The following FBXO22 variants were observed in gnomAD, a reference collection of about 807,000 sequenced individuals.
The protein encoded by FBXO22 is F-box only protein 22.
In FBXO22, 13 loss-of-function variants were observed where a neutral mutation model predicts 37.2. That is an observed-to-expected ratio of 0.35 (90% confidence interval 0.23 to 0.56). The LOEUF (loss-of-function observed/expected upper bound fraction) is 0.56. FBXO22 is among the 20% of genes least tolerant of loss of function. FBXO22 has a pLI of 0.87. For synonymous variants in FBXO22, 189 were observed against 189.1 expected (o/e 1.00, Z 0.00); for missense variants, 446 against 509.9 (o/e 0.87, Z 1.21).
chr15:75,912,133 T>C (rs1312643899), intron 2 of FBXO22, among the ~76,000 whole-genome samples: 1 of 151,952 alleles, frequency 6.6e-6, no homozygotes, highest in Non-Finnish European at 1.5e-5. Context: ...GACTTGATTG[T>C]GGTAGATAAG....
intron 2 of FBXO22, among the ~76,000 whole-genome samples, chr15:75,908,385 G>C (rs1347825598): frequency 2.0e-5 from 3 of 151,568 alleles, no homozygotes; most frequent in African/African-American, 7.3e-5. Context: ...TGATTGTCCT[G>C]CCTCAGCCTC....
intron 5 of FBXO22, among the ~76,000 whole-genome samples, chr15:75,922,591 G>A (rs184359567): frequency 9.8e-5 from 15 of 152,318 alleles, no homozygotes; most frequent in Non-Finnish European, 2.1e-4. Flanking sequence ...GTTATGTGCA[G>A]GGAAGTCATG....
intron 5 of FBXO22, among the ~76,000 whole-genome samples, chr15:75,918,357 G>T (rs533788016): frequency 1.3e-5 from 2 of 152,216 alleles, no homozygotes; most frequent in African/African-American, 4.8e-5. Flanking sequence ...TTGGTGGATG[G>T]GAGGGGAAGC....
rs2030086534 is a variant in FBXO22 at position 75,932,673 on chromosome 15, T to C, written c.795-12T>C. On this transcript the variant is annotated splice_polypyrimidine_tract_variant and intron_variant, in intron 6 of 6. Coordinates refer to ENST00000308275, the MANE Select transcript of FBXO22 (RefSeq NM_147188.3). ...GTTTCATGAGATATTGCCACTTTTC[T>C]AAATTTTCCAGGAACCCTCTGGATA... The C allele has an allele frequency of 1.3e-6, 2 of 1,558,576 alleles. No homozygotes were observed. The highest frequency in any genetic ancestry group is 8.6e-7 in the Non-Finnish European group (1 of 1,156,378).
chr15:75,904,414 C>T, intron 1 of FBXO22, 77 bp from the exon 2 acceptor site: 8 of 1,590,952 alleles, frequency 5.0e-6, no homozygotes, highest in Non-Finnish European at 6.9e-6. Flanking sequence ...GCTGCGCCAG[C>T]GGGTGGGGGT....
intron 5 of FBXO22, among the ~76,000 whole-genome samples, chr15:75,919,002 G>C (rs1960655701): frequency 6.6e-6 from 1 of 152,134 alleles, no homozygotes; most frequent in African/African-American, 2.4e-5. Context: ...TTGTTGCCCA[G>C]GCTGGAGTGC....
chr15:75,907,826 G>A (rs1258789378), intron 2 of FBXO22, among the ~76,000 whole-genome samples: 1 of 151,950 alleles, frequency 6.6e-6, no homozygotes, highest in Non-Finnish European at 1.5e-5. Context: ...ACCTATAATC[G>A]CAGCTACTTG....
Position 75,936,328 on chromosome 15 carries a change from G to A in FBXO22, c.*3226G>A, listed in dbSNP as rs1341594793. On this transcript the variant is annotated 3_prime_UTR_variant, in exon 7 of 7. Transcript: ENST00000308275. ...TGAAAATCCTAAAATAATAAAATAAGCATTAGTAATAATATCCTTGTTAAA... is the reference window on the plus strand; with the variant it reads ...TGAAAATCCTAAAATAATAAAATAAACATTAGTAATAATATCCTTGTTAAA... 6.6e-6 allele frequency: 1 copy of A among 152,140 alleles called. No individual in the cohort carries two copies. Among genetic ancestry groups the A allele is most frequent in the African/African-American group, 2.4e-5 (1 of 41,432 alleles). 9.4% of individuals were successfully genotyped at this position (152,140 alleles called of 1,614,324 possible).
intron 2 of FBXO22, among the ~76,000 whole-genome samples, chr15:75,908,110 A>G (rs552600664): frequency 9.2e-5 from 14 of 152,168 alleles, no homozygotes; most frequent in Non-Finnish European, 2.1e-4. Flanking sequence ...TTAGGAAGGA[A>G]AATTCAGCAG....
intron 4 of FBXO22, among the ~76,000 whole-genome samples, chr15:75,916,266 T>C (rs2141711792): frequency 6.6e-6 from 1 of 152,230 alleles, no homozygotes; most frequent in South Asian, 2.1e-4. Flanking sequence ...ACCTACTGTG[T>C]TAGTCTACTA....
intron 2 of FBXO22, among the ~76,000 whole-genome samples, chr15:75,910,749 T>C (rs998723174): frequency 6.6e-6 from 1 of 152,176 alleles, no homozygotes. Context: ...TTTTGCTGTG[T>C]AGAAGCTCTT....
rs971908148 is a variant in FBXO22, at chr15:75,939,781, G to C, written c.*6679G>C. On this transcript the variant is annotated 3_prime_UTR_variant, in exon 7 of 7. Coordinates refer to ENST00000308275, the MANE Select transcript of FBXO22 (RefSeq NM_147188.3). ...CATTAACAGAACGAAGCGAGAACCA[G>C]ATGATCATCTCAATTGATGCAGACA... 12 of 152,070 alleles carry C rather than the reference G, an allele frequency of 7.9e-5. No homozygotes were observed. The highest frequency in any genetic ancestry group is 2.7e-4 in the African/African-American group (11 of 41,426). 9.4% of individuals were successfully genotyped at this position (152,070 alleles called of 1,614,324 possible). A position where few individuals can be genotyped will look rare whatever the true frequency, so the allele number is the denominator to read the frequency against.
chr15:75,927,719 A>T (rs1393407124), intron 5 of FBXO22, among the ~76,000 whole-genome samples: 1 of 152,136 alleles, frequency 6.6e-6, no homozygotes, highest in Non-Finnish European at 1.5e-5. Context: ...CCAAGTCAGT[A>T]ATTTACTGTG....
chr15:75,912,862 G>T (rs1397641424), intron 2 of FBXO22, among the ~76,000 whole-genome samples: 1 of 152,130 alleles, frequency 6.6e-6, no homozygotes, highest in Non-Finnish European at 1.5e-5. Context: ...ATGTTAGGGT[G>T]TCAATTTTAG....
At chr15:75,908,316 A>C (rs981941659) in intron 2 of FBXO22, among the ~76,000 whole-genome samples, 1 of 149,456 alleles carries the variant, frequency 6.7e-6, no homozygotes, top group Non-Finnish European at 1.5e-5. Flanking sequence ...CCTGTCGCCC[A>C]GGCTGGATTG....
chr15:75,941,953 A>AG lies in FBXO22; in HGVS notation c.*8851_*8852insG, dbSNP rs1360268728. On this transcript the variant is annotated 3_prime_UTR_variant, in exon 7 of 7. Transcript: ENST00000308275. ...TTTTTAAACCACCAAAAAAAAAAAA[A>AG]AAAAAAAATATGGCCTAGCTTTTTT... The AG allele has an allele frequency of 8.2e-6, 1 of 122,092 alleles. No individual in the cohort carries two copies. Among genetic ancestry groups the AG allele is most frequent in the East Asian group, 2.3e-4 (1 of 4,376 alleles). The allele number at this position is 122,092 out of a possible 1,614,324, so 7.6% of individuals were successfully genotyped here.
chr15:75,940,196 A>G lies in FBXO22; in HGVS notation c.*7094A>G, dbSNP rs944458004. 2.6e-5 allele frequency: 4 copies of G among 152,150 alleles called. No individual in the cohort carries two copies. Among genetic ancestry groups the G allele is most frequent in the Non-Finnish European group, 5.9e-5 (4 of 67,972 alleles). 9.4% of individuals were successfully genotyped at this position (152,150 alleles called of 1,614,324 possible). The stretch of plus-strand genomic sequence containing the variant: ...AAGTCAGTTGCATTCCTATACACTA[A>G]CAATGAACAACCTGAGAAGGAAATT... On this transcript the variant is annotated 3_prime_UTR_variant, in exon 7 of 7. Coordinates refer to ENST00000308275, the MANE Select transcript of FBXO22 (RefSeq NM_147188.3).
rs2030427460 is a variant in FBXO22 at position 75,937,185 on chromosome 15, G to A, written c.*4083G>A. ...GCAAAAATGGGTGGACTAGGAAGCT[G>A]CAAGCTTTTGTTTGCCTATCAAAAC... On this transcript the variant is annotated 3_prime_UTR_variant, in exon 7 of 7. Coordinates refer to ENST00000308275, the MANE Select transcript of FBXO22 (RefSeq NM_147188.3). 6.6e-6 allele frequency: 1 copy of A among 151,516 alleles called. No homozygotes were observed. The highest frequency in any genetic ancestry group is 2.4e-5 in the African/African-American group (1 of 41,242). The allele number at this position is 151,516 out of a possible 1,614,324, so 9.4% of individuals were successfully genotyped here.
chr15:75,932,720 G>T lies in FBXO22; in HGVS notation c.830G>T (p.Gly277Val). The change falls in exon 7 of 7, where the codon GGA (glycine) becomes GTA (valine). Residue 277 changes from glycine (G) to valine (V), a missense_variant. Around this residue, in one of 2 missense-constraint regions of FBXO22, gnomAD observed 315 missense variants for 410.1 expected, o/e 0.77. Coordinates refer to ENST00000308275, the MANE Select transcript of FBXO22 (RefSeq NM_147188.3). ...PLDIDASGVVGLSFSGHRIQS... is the reference protein window; with the variant it reads ...PLDIDASGVVVLSFSGHRIQS... ...GATATTGATGCCTCGGGTGTGGTTG[G>T]ACTGTCATTTAGTGGACACCGAATC... is the stretch of plus-strand genomic sequence containing the variant. 2 of 1,612,610 alleles carry T rather than the reference G, an allele frequency of 1.2e-6. No individual in the cohort carries two copies. The highest frequency in any genetic ancestry group is 1.7e-6 in the Non-Finnish European group (2 of 1,179,114).
Sources: allele counts gnomAD v4.1 joint callset (sites outside exome capture counted in the v4.1 genomes callset), GRCh38; gene constraint gnomAD v4.1.1; regional missense constraint gnomAD v4.1.1; transcripts MANE v1.5; gene names NCBI Gene and HGNC (gene_info 2026-07-23, HGNC 2026-07-21).